Variants in LRRC47 observed in about 807,000 individuals in gnomAD.
LRRC47 encodes leucine-rich repeat-containing protein 47.
A neutral mutation model predicts 40.9 loss-of-function variants in LRRC47; 31 were observed. That is an observed-to-expected ratio of 0.76 (90% confidence interval 0.57 to 1.02). The LOEUF is 1.02. LRRC47 is among the 50% of genes least tolerant of loss of function. The probability of loss-of-function intolerance (pLI) is 0.00; values close to 1 mark genes in which losing one functional copy is unlikely to be tolerated. For missense variants in LRRC47, 726 were observed against 796.1 expected, an observed-to-expected ratio of 0.91 and a Z score of 1.06; for synonymous variants, 427 against 371.9, an observed-to-expected ratio of 1.15 and a Z score of -1.70.
At position 3,785,212 on chromosome 1, in the gene LRRC47, C is replaced by T; in HGVS notation, c.1078-9G>A. On this transcript the variant is annotated splice_polypyrimidine_tract_variant and intron_variant, in intron 2 of 6. Transcript: ENST00000378251. Reference sequence around the variant, plus strand: ...TCTTCGTGGAGCTTGGTCTGTAACACAGAAGCAGTGATGAGCAAGGTCTCT... The same window carrying T: ...TCTTCGTGGAGCTTGGTCTGTAACATAGAAGCAGTGATGAGCAAGGTCTCT... The T allele has an allele frequency of 6.5e-7, 1 of 1,529,824 alleles. No individual in the cohort carries two copies. The highest frequency in any genetic ancestry group is 8.8e-7 in the Non-Finnish European group (1 of 1,136,968). The allele number at this position is 1,529,824 out of a possible 1,614,324, so 94.8% of individuals were successfully genotyped here. A position where few individuals can be genotyped will look rare whatever the true frequency, so the allele number is the denominator to read the frequency against.
chr1:3,792,484 G>T (rs1250945142), intron 1 of LRRC47, among the ~76,000 whole-genome samples: 1 of 118,610 alleles, frequency 8.4e-6, no homozygotes, highest in Non-Finnish European at 1.7e-5. Context: ...TTTTTGAGAC[G>T]CAGTCTCACT....
intron 1 of LRRC47, among the ~76,000 whole-genome samples, chr1:3,793,372 C>A (rs1220509726): frequency 6.6e-6 from 1 of 152,158 alleles, no homozygotes; most frequent in Admixed American, 6.5e-5. Flanking sequence ...GGATTACAGG[C>A]AGGAGCCACC....
chr1:3,786,414 C>T (rs1643573817), intron 2 of LRRC47, among the ~76,000 whole-genome samples: 1 of 152,094 alleles, frequency 6.6e-6, no homozygotes, highest in African/African-American at 2.4e-5. Context: ...GCAGGAGAAT[C>T]ACTTGAACCC....
Position 3,782,694 on chromosome 1 carries a change from G to A in LRRC47, c.1380C>T (p.Ser460=), listed in dbSNP as rs1270607542. 4 of 1,612,286 alleles carry A rather than the reference G, an allele frequency of 2.5e-6. No homozygotes were observed. Among genetic ancestry groups the A allele is most frequent in the Middle Eastern group, 1.6e-4 (1 of 6,082 alleles). Residue 460 remains serine, a synonymous_variant, in exon 5 of 7, where the codon TCC becomes TCT. Transcript: ENST00000378251. ...TCTCACTGTTGGTTATTGGTGGGAAGGAAATCACATCACCGTCTGCATCCA... is the reference window on the plus strand; with the variant it reads ...TCTCACTGTTGGTTATTGGTGGGAAAGAAATCACATCACCGTCTGCATCCA... ...CLVDADGDVI[S]FPPITNSEKT... is the part of the protein sequence containing the mutation.
chr1:3,782,546 G>C, intron 5 of LRRC47, 115 bp downstream of exon 5: 2 of 694,074 alleles, frequency 2.9e-6, no homozygotes, highest in South Asian at 3.2e-5. Flanking sequence ...CGCCCACCTC[G>C]GTCTCCCAAA....
chr1:3,792,334 G>C (rs1328534756), intron 1 of LRRC47, among the ~76,000 whole-genome samples: 1 of 152,200 alleles, frequency 6.6e-6, no homozygotes, highest in Non-Finnish European at 1.5e-5. Context: ...TGGCCCAGGG[G>C]AAAGGGAACT....
chr1:3,789,070 A>T (rs548909840), intron 1 of LRRC47, among the ~76,000 whole-genome samples: 1 of 152,370 alleles, frequency 6.6e-6, no homozygotes, highest in East Asian at 1.9e-4. Flanking sequence ...TTCCGGCCCC[A>T]CATGGGACGA....
At chr1:3,786,572 C>T (rs964813548) in intron 2 of LRRC47, among the ~76,000 whole-genome samples, 2 of 152,194 alleles carry the variant, frequency 1.3e-5, no homozygotes, top group African/African-American at 4.8e-5. Flanking sequence ...CCAGGACCAA[C>T]CAGGCCAGGG....
rs1464446343 is a variant in LRRC47 at position 3,780,821 on chromosome 1, C to G, written c.*267G>C. ...TGAAACCCCGTCTCTACTAAAAATACAAAAATTAGCTGAGCTTAGTGGCAC... is the reference window on the plus strand; with the variant it reads ...TGAAACCCCGTCTCTACTAAAAATAGAAAAATTAGCTGAGCTTAGTGGCAC... On this transcript the variant is annotated 3_prime_UTR_variant, in exon 7 of 7. Transcript: ENST00000378251. The G allele has an allele frequency of 4.5e-6, 2 of 444,386 alleles. No homozygotes were observed. Among genetic ancestry groups the G allele is most frequent in the Admixed American group, 3.9e-5 (1 of 25,526 alleles). 27.5% of individuals were successfully genotyped at this position (444,386 alleles called of 1,614,324 possible).
intron 4 of LRRC47, 85 bp from the exon 5 acceptor site, chr1:3,782,848 C>T: frequency 5.8e-6 from 5 of 859,634 alleles, no homozygotes; most frequent in Non-Finnish European, 1.0e-5. Flanking sequence ...GTGGTCCCAG[C>T]ACTCAGGAGG....
intron 1 of LRRC47, 130 bp downstream of exon 1, chr1:3,795,731 AG>A: frequency 1.6e-6 from 2 of 1,247,870 alleles, no homozygotes; most frequent in Non-Finnish European, 1.1e-6. Flanking sequence ...GGCTCCTTTC[AG>A]CCTTGTAGGA....
chr1:3,784,524 C>T (rs1157999871), intron 3 of LRRC47, among the ~76,000 whole-genome samples: 1 of 152,124 alleles, frequency 6.6e-6, no homozygotes, highest in Non-Finnish European at 1.5e-5. Flanking sequence ...GTTTTACTAT[C>T]GGGACAGAGA....
rs1241131994 is a variant in LRRC47, at chr1:3,795,799, G to A, written c.615+63C>T. 6.9e-6 allele frequency: 10 copies of A among 1,448,862 alleles called. No individual in the cohort carries two copies. The East Asian group carries it at 1.9e-4, about 27-fold the overall frequency. 89.8% of individuals were successfully genotyped at this position (1,448,862 alleles called of 1,614,324 possible). On this transcript the variant is annotated intron_variant, in intron 1 of 6. Transcript: ENST00000378251. ...ACTAGGAACTGCTCGGCCCCGAGAG[G>A]GGTTCCTTCTCCAGGGCTACTCCAA...
At chr1:3,790,941 AACCGG>A (rs1643621253) in intron 1 of LRRC47, among the ~76,000 whole-genome samples, 1 of 152,210 alleles carries the variant, frequency 6.6e-6, no homozygotes, top group African/African-American at 2.4e-5. Context: ...CCTCCCAAAG[AACCGG>A]AACTGGGCTC....
chr1:3,795,494 A>C (rs1643664991), intron 1 of LRRC47, among the ~76,000 whole-genome samples: 2 of 152,128 alleles, frequency 1.3e-5, no homozygotes, highest in South Asian at 2.1e-4. Flanking sequence ...CACCAGACTC[A>C]CTCTCAAGTC....
In LRRC47 at chr1:3,785,161, T is replaced by C; in HGVS notation, c.1120A>G (p.Thr374Ala). ...EDLCEKRTAA[T>A]LATHELRAVK... Reference sequence around the variant, plus strand: ...GCACGGAGCTCGTGGGTGGCAAGGGTGGCAGCCGTCCTCTTCTCACAGAGA... The same window carrying C: ...GCACGGAGCTCGTGGGTGGCAAGGGCGGCAGCCGTCCTCTTCTCACAGAGA... Residue 374 changes from threonine to alanine, a missense_variant, in exon 3 of 7, where the codon ACC becomes GCC. Coordinates refer to ENST00000378251, the MANE Select transcript of LRRC47 (RefSeq NM_020710.3). The C allele has an allele frequency of 6.3e-7, 1 of 1,596,362 alleles. No individual in the cohort carries two copies. The highest frequency in any genetic ancestry group is 8.5e-7 in the Non-Finnish European group (1 of 1,172,286).
chr1:3,792,400 T>C (rs1284509197), intron 1 of LRRC47, among the ~76,000 whole-genome samples: 1 of 152,042 alleles, frequency 6.6e-6, no homozygotes, highest in Non-Finnish European at 1.5e-5. Flanking sequence ...TTGAATGACA[T>C]TGTTTTGGGC....
chr1:3,781,634 G>C (rs746030829), intron 5 of LRRC47, 33 bp from the exon 6 acceptor site: 2 of 1,541,986 alleles, frequency 1.3e-6, no homozygotes, highest in Admixed American at 3.5e-5. Context: ...GAAAAGAACA[G>C]TTATCAAATG....
intron 1 of LRRC47, among the ~76,000 whole-genome samples, chr1:3,794,632 G>A (rs889992440): frequency 2.0e-5 from 3 of 151,966 alleles, no homozygotes; most frequent in African/African-American, 2.4e-5. Context: ...GAGCCACCGC[G>A]CCCGGCCAGG....
Sources: allele counts gnomAD v4.1 joint callset (sites outside exome capture counted in the v4.1 genomes callset), GRCh38; gene constraint gnomAD v4.1.1; transcripts MANE v1.5; gene names NCBI Gene and HGNC (gene_info 2026-07-23, HGNC 2026-07-21).